Variants in CNTNAP2 observed in about 807,000 individuals in gnomAD.
CNTNAP2 encodes the protein contactin associated protein 2, also known as contactin-associated protein-like 2.
A neutral mutation model predicts 155.2 loss-of-function variants in CNTNAP2; 98 were observed. The ratio of observed to expected loss-of-function variants is 0.63; its 90% CI spans 0.54 to 0.75. The LOEUF (loss-of-function observed/expected upper bound fraction) is 0.75. CNTNAP2 is among the 30% of genes least tolerant of loss of function. CNTNAP2 has a pLI of 0.00. For missense variants in CNTNAP2, 1,727 were observed against 1,688.1 expected (o/e 1.02, Z -0.40); for synonymous variants, 651 against 631.2 (o/e 1.03, Z -0.47).
intron 15 of CNTNAP2, among the ~76,000 whole-genome samples, chr7:147,982,143 A>G (rs1205531239): frequency 6.6e-6 from 1 of 152,204 alleles, no homozygotes; most frequent in Admixed American, 6.5e-5. Flanking sequence ...TAGAAATCTC[A>G]TACTATATAT....
chr7:148,387,140 A>G (rs894523265), intron 22 of CNTNAP2, among the ~76,000 whole-genome samples: 3 of 152,150 alleles, frequency 2.0e-5, no homozygotes, highest in Admixed American at 6.5e-5. Context: ...TTTGTCAGAT[A>G]AAGGAAGCAC....
At chr7:147,321,719 C>T (rs932444746) in intron 9 of CNTNAP2, among the ~76,000 whole-genome samples, 6 of 152,178 alleles carry the variant, frequency 3.9e-5, no homozygotes, top group Non-Finnish European at 8.8e-5. Flanking sequence ...CTTCCAAAGA[C>T]AGCAGTTGAC....
chr7:147,837,683 A>G (rs1798655341), intron 13 of CNTNAP2, among the ~76,000 whole-genome samples: 2 of 152,210 alleles, frequency 1.3e-5, no homozygotes, highest in Non-Finnish European at 2.9e-5. Context: ...GGCATTAGAT[A>G]AATACATCAT....
chr7:147,417,067 C>A (rs140713308), intron 10 of CNTNAP2, among the ~76,000 whole-genome samples: 13 of 143,680 alleles, frequency 9.0e-5, no homozygotes, highest in African/African-American at 1.6e-4. Context: ...CCAGCCTAAG[C>A]GACAGAGCAA....
intron 13 of CNTNAP2, among the ~76,000 whole-genome samples, chr7:147,789,786 C>G (rs1431864699): frequency 6.6e-6 from 1 of 152,186 alleles, no homozygotes; most frequent in Non-Finnish European, 1.5e-5. Flanking sequence ...ATGCTGGATG[C>G]TTCCTGCCCT....
intron 9 of CNTNAP2, among the ~76,000 whole-genome samples, chr7:147,358,818 T>G (rs1016922776): frequency 1.3e-5 from 2 of 152,126 alleles, no homozygotes; most frequent in Non-Finnish European, 2.9e-5. Context: ...AGCATTTATT[T>G]CTGAAAACCT....
intron 12 of CNTNAP2, among the ~76,000 whole-genome samples, chr7:147,592,389 G>A (rs1391244253): frequency 6.6e-6 from 1 of 150,884 alleles, no homozygotes; most frequent in African/African-American, 2.4e-5. Flanking sequence ...ATGACAATAT[G>A]CATATAAAAA....
chr7:146,191,976 G>C (rs928986009), intron 1 of CNTNAP2, among the ~76,000 whole-genome samples: 2 of 152,142 alleles, frequency 1.3e-5, no homozygotes, highest in Admixed American at 6.5e-5. Context: ...TTAAAGTAAA[G>C]ACAGGCATAG....
chr7:147,888,156 A>G (rs2116726877), intron 13 of CNTNAP2, among the ~76,000 whole-genome samples: 1 of 152,330 alleles, frequency 6.6e-6, no homozygotes, highest in East Asian at 1.9e-4. Flanking sequence ...AGAGATAACT[A>G]ATAGCATTTT....
At chr7:147,839,804 G>A (rs7781495) in intron 13 of CNTNAP2, among the ~76,000 whole-genome samples, 28,893 of 152,062 alleles carry the variant, frequency 0.19, 2,873 homozygotes, top group South Asian at 0.29. Flanking sequence ...GCTTATTGCA[G>A]CACTATTCAC....
At chr7:147,168,239 G>T (rs1802158814) in intron 8 of CNTNAP2, among the ~76,000 whole-genome samples, 1 of 150,914 alleles carries the variant, frequency 6.6e-6, no homozygotes, top group South Asian at 2.1e-4. Flanking sequence ...TTGAAAATTT[G>T]TGTATATAAA....
chr7:147,233,914 C>T (rs1276191139), intron 8 of CNTNAP2, among the ~76,000 whole-genome samples: 1 of 151,754 alleles, frequency 6.6e-6, no homozygotes, highest in Non-Finnish European at 1.5e-5. Flanking sequence ...TCTAAATTCA[C>T]TGTCTTTATT....
intron 13 of CNTNAP2, among the ~76,000 whole-genome samples, chr7:147,837,362 T>A (rs1798650679): frequency 6.6e-6 from 1 of 152,122 alleles, no homozygotes; most frequent in African/African-American, 2.4e-5. Context: ...CCCACCTCCA[T>A]GATTCAGTTA....
intron 15 of CNTNAP2, among the ~76,000 whole-genome samples, chr7:148,001,823 A>AT (rs919318137): frequency 1.3e-5 from 2 of 150,524 alleles, no homozygotes; most frequent in African/African-American, 5.0e-5. Context: ...TTTCTGGTCT[A>AT]TTTTTTTCAG....
intron 9 of CNTNAP2, among the ~76,000 whole-genome samples, chr7:147,357,158 G>T (rs826822): frequency 0.56 from 85,331 of 151,890 alleles, 24,273 homozygotes; most frequent in East Asian, 0.68. Flanking sequence ...ATTCTTTCTG[G>T]GTCTACCCCT....
intron 13 of CNTNAP2, among the ~76,000 whole-genome samples, chr7:147,760,054 G>T (rs140471737): frequency 2.0e-5 from 3 of 151,844 alleles, no homozygotes; most frequent in Non-Finnish European, 4.4e-5. Context: ...GAGAAGACAC[G>T]ATGGGTTACT....
intron 1 of CNTNAP2, among the ~76,000 whole-genome samples, chr7:146,442,975 G>A (rs910894053): frequency 6.6e-6 from 1 of 152,058 alleles, no homozygotes; most frequent in Admixed American, 6.5e-5. Flanking sequence ...GGGAGGCCGA[G>A]GCGGGCAGAT....
In CNTNAP2 at chr7:146,587,490, C is replaced by T. The variant is rs556286491; in HGVS notation, c.98-186781C>T. Among the ~76,000 whole-genome samples, 7 of 152,032 alleles carry T rather than the reference C, an allele frequency of 4.6e-5. No individual in the cohort carries two copies. In the South Asian group the frequency reaches 1.0e-3, roughly 23 times the overall value. ...CTCAGCTGTGTATGATTCCAAACAC[C>T]GAAGTATCTCCACGTCATCACCTTT... On this transcript the variant is annotated intron_variant, in intron 1 of 23. Transcript: ENST00000361727.
intron 8 of CNTNAP2, among the ~76,000 whole-genome samples, chr7:147,290,720 A>G (rs1274286585): frequency 6.6e-6 from 1 of 150,884 alleles, no homozygotes; most frequent in Non-Finnish European, 1.5e-5. Flanking sequence ...CTGGATATAC[A>G]GTGAAAAGAG....
Sources: allele counts gnomAD v4.1 joint callset (sites outside exome capture counted in the v4.1 genomes callset), GRCh38; gene constraint gnomAD v4.1.1; transcripts MANE v1.5; gene names NCBI Gene and HGNC (gene_info 2026-07-23, HGNC 2026-07-21).